SLC44A1: variants seen among roughly 807,000 people sequenced by gnomAD.
SLC44A1 encodes choline transporter-like protein 1.
SLC44A1 carries 26 observed loss-of-function variants against 79.3 expected under a neutral mutation model. The ratio of observed to expected loss-of-function variants is 0.33; its 90% confidence interval spans 0.24 to 0.46. The LOEUF (loss-of-function observed/expected upper bound fraction) is 0.46. SLC44A1 is among the 20% of genes least tolerant of loss of function. The pLI is 1.00. For synonymous variants in SLC44A1, 263 were observed against 286.2 expected, an observed-to-expected ratio of 0.92 and a Z score of 0.82; for missense variants, 688 against 798.1, an observed-to-expected ratio of 0.86 and a Z score of 1.66.
intron 1 of SLC44A1, among the ~76,000 whole-genome samples, 193 bp downstream of exon 1, chr9:105,245,097 CG>C (rs1829399874): frequency 6.6e-6 from 1 of 152,004 alleles, no homozygotes; most frequent in African/African-American, 2.4e-5. Flanking sequence ...CCGCGGCTGC[CG>C]ACTCAAAGGC....
intron 3 of SLC44A1, among the ~76,000 whole-genome samples, chr9:105,312,255 T>C (rs953171972): frequency 1.6e-4 from 25 of 152,228 alleles, no homozygotes; most frequent in Non-Finnish European, 1.5e-5. Flanking sequence ...TAAACTCTAC[T>C]CATCCTTCGG....
chr9:105,290,653 T>C (rs1564418046), intron 1 of SLC44A1, among the ~76,000 whole-genome samples: 1 of 152,232 alleles, frequency 6.6e-6, no homozygotes, highest in East Asian at 1.9e-4. Context: ...AGAGACATCT[T>C]TGTAACAGGC....
intron 1 of SLC44A1, among the ~76,000 whole-genome samples, chr9:105,275,885 A>G (rs774507437): frequency 6.6e-6 from 1 of 151,924 alleles, no homozygotes; most frequent in East Asian, 1.9e-4. Flanking sequence ...GCTCACTGCA[A>G]TCTCCGCCTC....
chr9:105,381,700 G>T (rs566197868), intron 13 of SLC44A1, among the ~76,000 whole-genome samples: 2 of 152,174 alleles, frequency 1.3e-5, no homozygotes, highest in African/African-American at 2.4e-5. Flanking sequence ...AGATTCATAA[G>T]TGTGTTGCTA....
At chr9:105,313,559 C>T (rs563000855) in intron 3 of SLC44A1, among the ~76,000 whole-genome samples, 1 of 152,226 alleles carries the variant, frequency 6.6e-6, no homozygotes, top group Admixed American at 6.5e-5. Flanking sequence ...GGCTGTTGGA[C>T]TGAGGGCCTT....
intron 15 of SLC44A1, among the ~76,000 whole-genome samples, chr9:105,437,560 C>T (rs1180125468): frequency 6.6e-6 from 1 of 151,882 alleles, no homozygotes; most frequent in African/African-American, 2.4e-5. Context: ...AATGTATATA[C>T]GTCATTGCCC....
At chr9:105,244,981 C>A in intron 1 of SLC44A1, 77 bp downstream of exon 1, 1 of 651,878 alleles carries the variant, frequency 1.5e-6, no homozygotes, top group Non-Finnish European at 2.1e-6. Flanking sequence ...GCCCGCCGCC[C>A]GATACCTCTC....
At chr9:105,401,672 G>A (rs189416615), downstream of SLC44A1, among the ~76,000 whole-genome samples, 1 of 152,284 alleles carries the variant, frequency 6.6e-6, no homozygotes, top group African/African-American at 2.4e-5. Flanking sequence ...GGGGATTAGG[G>A]AGATGCACGT....
intron 1 of SLC44A1, among the ~76,000 whole-genome samples, chr9:105,290,881 T>A (rs1415629412): frequency 6.6e-6 from 1 of 152,266 alleles, no homozygotes; most frequent in Non-Finnish European, 1.5e-5. Context: ...TTCCACGCAG[T>A]GTATCTTAAT....
chr9:105,321,154 A>T (rs980490521), intron 3 of SLC44A1, among the ~76,000 whole-genome samples: 3 of 152,148 alleles, frequency 2.0e-5, no homozygotes, highest in Non-Finnish European at 4.4e-5. Context: ...CCAAATTCAC[A>T]ATGATTTTTT....
intron 15 of SLC44A1, among the ~76,000 whole-genome samples, chr9:105,404,363 C>T (rs1291597532): frequency 2.0e-5 from 3 of 151,812 alleles, no homozygotes; most frequent in Non-Finnish European, 2.9e-5. Context: ...AGGAGTGAAG[C>T]GTGAATCTCC....
intron 12 of SLC44A1, among the ~76,000 whole-genome samples, chr9:105,370,892 T>G (rs968684234): frequency 1.3e-5 from 2 of 152,222 alleles, no homozygotes; most frequent in Non-Finnish European, 2.9e-5. Flanking sequence ...ATTCTAGACA[T>G]TATGAAGCTA....
chr9:105,431,227 T>C (rs946296612), intron 15 of SLC44A1, among the ~76,000 whole-genome samples: 8 of 152,244 alleles, frequency 5.3e-5, no homozygotes, highest in African/African-American at 1.9e-4. Flanking sequence ...ATTTTTTATA[T>C]GTCATATATG....
intron 2 of SLC44A1, among the ~76,000 whole-genome samples, chr9:105,304,884 C>T (rs1381374748): frequency 1.4e-5 from 2 of 141,560 alleles, no homozygotes; most frequent in Non-Finnish European, 1.5e-5. Flanking sequence ...TAGGGTAAAC[C>T]TTGCATTTGT....
At chr9:105,335,460 G>A (rs1425256822) in intron 3 of SLC44A1, 103 bp from the exon 4 acceptor site, 14 of 768,366 alleles carry the variant, frequency 1.8e-5, no homozygotes, top group Non-Finnish European at 2.4e-5. Flanking sequence ...TTATCGTGGA[G>A]GAATGTGGAA....
intron 15 of SLC44A1, among the ~76,000 whole-genome samples, chr9:105,431,469 G>C (rs1829392511): frequency 6.6e-6 from 1 of 152,134 alleles, no homozygotes; most frequent in Non-Finnish European, 1.5e-5. Context: ...ATAAACACTG[G>C]CATGAGATGA....
chr9:105,411,483 C>T (rs7872853), intron 15 of SLC44A1, among the ~76,000 whole-genome samples: 6,663 of 124,724 alleles, frequency 0.053, 278 homozygotes, highest in African/African-American at 0.19. Flanking sequence ...TGTGTGTGTG[C>T]GTGTGCATTT....
chr9:105,424,184 T>G (rs911344879), intron 15 of SLC44A1, among the ~76,000 whole-genome samples: 4 of 152,190 alleles, frequency 2.6e-5, no homozygotes, highest in Non-Finnish European at 4.4e-5. Flanking sequence ...TCTGGTCCTC[T>G]TCCATGGGGC....
Position 105,393,875 on chromosome 9 carries a change from T to C in SLC44A1, c.*4819T>C. The stretch of plus-strand genomic sequence containing the variant: ...ACACGGAGCTCAGAATAATAAAGCT[T>C]TTATTAATGGTCTAGTGAAGATCTA... On this transcript the variant is annotated 3_prime_UTR_variant, in exon 16 of 16. Transcript: ENST00000374720. 1 of 985,060 alleles carries C rather than the reference T, an allele frequency of 1.0e-6. No individual in the cohort carries two copies. Among genetic ancestry groups the C allele is most frequent in the Non-Finnish European group, 1.2e-6 (1 of 829,564 alleles). The allele number at this position is 985,060 out of a possible 1,614,324, so 61.0% of individuals were successfully genotyped here. A position where few individuals can be genotyped will look rare whatever the true frequency, so the allele number is the denominator to read the frequency against.
Sources: gnomAD v4.1 joint callset for allele counts (sites outside exome capture counted in the v4.1 genomes callset) on GRCh38, gnomAD v4.1.1 for gene constraint, MANE v1.5 for transcripts, NCBI Gene and HGNC (gene_info 2026-07-23, HGNC 2026-07-21) for gene names.